Variants in OR3A2 observed in about 807,000 individuals in gnomAD.
OR3A2 encodes the protein olfactory receptor 3A2.
For synonymous variants in OR3A2, 126 were observed against 159.3 expected (o/e 0.79, Z 1.57); for missense variants, 318 against 392.8 (o/e 0.81, Z 1.61).
chr17:3,306,611 G>A (rs530398166), intron 3 of OR3A2, among the ~76,000 whole-genome samples: 9 of 146,940 alleles, frequency 6.1e-5, no homozygotes, highest in East Asian at 2.0e-4. Flanking sequence ...GTCTAGTGAC[G>A]CTCAACCTTA....
chr17:3,307,396 C>G (rs1187728029), intron 3 of OR3A2, among the ~76,000 whole-genome samples: 1 of 152,224 alleles, frequency 6.6e-6, no homozygotes, highest in African/African-American at 2.4e-5. Context: ...CTGACAACTC[C>G]TCCTTGGCCC....
At chr17:3,331,063 G>T (rs368120288) in intron 3 of OR3A2, among the ~76,000 whole-genome samples, 1 of 152,140 alleles carries the variant, frequency 6.6e-6, no homozygotes, top group East Asian at 1.9e-4. Context: ...TGGCTTGTAG[G>T]GTTTCTGCCG....
chr17:3,346,237 CTAT>C (rs1280404671), intron 2 of OR3A2, among the ~76,000 whole-genome samples: 8 of 152,018 alleles, frequency 5.3e-5, no homozygotes, highest in Non-Finnish European at 8.8e-5. Flanking sequence ...GGTATATATA[CTAT>C]ATTTTCTTTT....
intron 2 of OR3A2, among the ~76,000 whole-genome samples, chr17:3,357,939 C>T (rs1345485613): frequency 6.6e-6 from 1 of 151,516 alleles, no homozygotes; most frequent in Non-Finnish European, 1.5e-5. Flanking sequence ...GCTAGTGAGG[C>T]CTTGCCTGGC....
intron 2 of OR3A2, among the ~76,000 whole-genome samples, chr17:3,354,243 T>C (rs992257465): frequency 6.6e-6 from 1 of 151,326 alleles, no homozygotes; most frequent in African/African-American, 2.4e-5. Flanking sequence ...TTGGAACAGT[T>C]TGAATAGGAT....
chr17:3,375,234 TTTTTTTTTTTTCC>T (rs1172886712), intron 2 of OR3A2, among the ~76,000 whole-genome samples: 8 of 76,072 alleles, frequency 1.1e-4, no homozygotes, highest in Admixed American at 1.7e-4. Flanking sequence ...TTTTTTCTTT[TTTTTTTTTTTTCC>T]CCCCCTTTTT....
chr17:3,370,690 G>A (rs183733505), intron 2 of OR3A2, among the ~76,000 whole-genome samples: 262 of 151,578 alleles, frequency 1.7e-3, no homozygotes, highest in African/African-American at 5.7e-3. Context: ...ATTTGGCAGG[G>A]TCATAGGACA....
chr17:3,331,757 AG>A (rs1409163250), intron 3 of OR3A2, among the ~76,000 whole-genome samples: 9 of 151,984 alleles, frequency 5.9e-5, no homozygotes, highest in Non-Finnish European at 1.2e-4. Context: ...ATTGCTGGTG[AG>A]GAACTGCATT....
chr17:3,328,743 A>C (rs1241159666), intron 3 of OR3A2, among the ~76,000 whole-genome samples: 1 of 137,910 alleles, frequency 7.3e-6, no homozygotes, highest in Non-Finnish European at 1.5e-5. Context: ...TCAATACCTA[A>C]TTTATTGAGA....
At chr17:3,355,428 TTCTCTCTC>T (rs3037631) in intron 2 of OR3A2, among the ~76,000 whole-genome samples, 2,767 of 139,620 alleles carry the variant, frequency 0.02, 63 homozygotes, top group Middle Eastern at 0.049. Context: ...ATGTTGGCAT[TTCTCTCTC>T]TCTCTCTCTC....
chr17:3,375,185 T>C (rs1183999634), intron 2 of OR3A2, among the ~76,000 whole-genome samples: 1 of 109,830 alleles, frequency 9.1e-6, no homozygotes, highest in Non-Finnish European at 1.9e-5. Flanking sequence ...TGAGACAGTC[T>C]CACTCAGTTG....
At chr17:3,278,270 G>A in exon 2 of OR3A2, 2 of 1,614,244 alleles carry the variant, frequency 1.2e-6, no homozygotes, top group Middle Eastern at 1.6e-4. Flanking sequence ...CAGTGATGAT[G>A]AGAACCAAAG....
In OR3A2 at chr17:3,291,951, C is replaced by T. The variant is rs61734041; in HGVS notation, c.-84-12798G>A. On this transcript the variant is annotated intron_variant, in intron 3 of 4. Coordinates refer to the OR3A2 transcript ENST00000573491. ...GATGACAATGAGAGCCATGGGGGTA[C>T]CTGCCATTATAAAACCCACAGCAAA... 3,774 of 1,614,122 alleles carry T rather than the reference C, an allele frequency of 2.3e-3. 88 individuals are homozygous for T. In the African/African-American group the frequency reaches 0.043, roughly 18 times the overall value.
intron 1 of OR3A2, 195 bp downstream of exon 1, chr17:3,385,929 CA>C: frequency 5.0e-6 from 2 of 398,742 alleles, no homozygotes; most frequent in Non-Finnish European, 8.8e-6. Flanking sequence ...CAGTCCACTC[CA>C]TGGCTCCGAC....
At chr17:3,376,025 G>C (rs2049680286) in intron 2 of OR3A2, among the ~76,000 whole-genome samples, 1 of 152,214 alleles carries the variant, frequency 6.6e-6, no homozygotes, top group South Asian at 2.1e-4. Flanking sequence ...TGGACTCTGT[G>C]GGAGTGCTTG....
chr17:3,383,290 C>T (rs1225789956), intron 2 of OR3A2, among the ~76,000 whole-genome samples: 2 of 152,178 alleles, frequency 1.3e-5, no homozygotes, highest in South Asian at 2.1e-4. Flanking sequence ...AGTCCTCCAG[C>T]GCTGGACTGG....
At position 3,279,231 on chromosome 17, in the gene OR3A2, G is replaced by A. The variant is rs188906604; in HGVS notation, c.-6-308C>T. 6.4e-4 allele frequency: 282 copies of A among 440,106 alleles called. 1 individual carries two copies. Among genetic ancestry groups the A allele is most frequent in the African/African-American group, 4.7e-3 (236 of 50,496 alleles). 27.3% of individuals were successfully genotyped at this position (440,106 alleles called of 1,614,324 possible). ...TGCTGAGTAGATTACAGCTGTCCTC[G>A]CCACAGGGGGGAAATGGGTAACTAT... On this transcript the variant is annotated intron_variant, in intron 1 of 1. Coordinates refer to ENST00000642052, the Ensembl canonical transcript of OR3A2.
At chr17:3,371,746 A>G (rs1466172551) in intron 2 of OR3A2, among the ~76,000 whole-genome samples, 65 of 80,350 alleles carry the variant, frequency 8.1e-4, no homozygotes, top group Non-Finnish European at 9.9e-4. Flanking sequence ...GGGCAGAGGG[A>G]CTCCTCACTT....
chr17:3,359,257 A>AT lies in OR3A2; in HGVS notation c.-178-23132dup, dbSNP rs550698712. On this transcript the variant is annotated intron_variant, in intron 2 of 4. Coordinates refer to the OR3A2 transcript ENST00000573491. The stretch of plus-strand genomic sequence containing the variant: ...CCACTCTGTGCCTTTGAAGTGGGGC[A>AT]TTTAGCCCATTCACCTTCAAGGTCA... 4.6e-3 allele frequency among the ~76,000 whole-genome samples: 700 copies of AT among 151,828 alleles called. 27 individuals are homozygous for AT. The highest frequency in any genetic ancestry group is 0.016 in the African/African-American group (664 of 41,154).
Sources: allele counts gnomAD v4.1 joint callset (sites outside exome capture counted in the v4.1 genomes callset), GRCh38; gene constraint gnomAD v4.1.1; transcripts MANE v1.5; gene names NCBI Gene and HGNC (gene_info 2026-07-23, HGNC 2026-07-21).